CDH12: variants seen among roughly 807,000 people sequenced by gnomAD.
CDH12 encodes the protein cadherin 12, also known as cadherin-12.
A neutral mutation model predicts 74.1 loss-of-function variants in CDH12; 41 were observed. The observed-to-expected ratio is 0.55, with a 90% CI of 0.43 to 0.72. CDH12 has a LOEUF of 0.72. Ranked by LOEUF, CDH12 falls within the 30% of genes least tolerant of loss-of-function variation. The pLI, the probability that CDH12 is intolerant of heterozygous loss-of-function variation, is 0.00. For synonymous variants in CDH12, 399 were observed against 355.0 expected, an observed-to-expected ratio of 1.12 and a Z score of -1.39; for missense variants, 945 against 977.2, an observed-to-expected ratio of 0.97 and a Z score of 0.44.
At chr5:22,608,577 G>A (rs1042222828) in intron 1 of CDH12, among the ~76,000 whole-genome samples, 1 of 152,158 alleles carries the variant, frequency 6.6e-6, no homozygotes, top group Non-Finnish European at 1.5e-5. Flanking sequence ...GTTTTGAAAT[G>A]TGAGGACATG....
At chr5:21,961,387 C>A (rs1446307303) in intron 6 of CDH12, among the ~76,000 whole-genome samples, 5 of 150,488 alleles carry the variant, frequency 3.3e-5, no homozygotes, top group Non-Finnish European at 5.9e-5. Flanking sequence ...GACTCTGTCT[C>A]AAAAAAAAAT....
At chr5:22,769,573 A>T (rs1308522690) in intron 1 of CDH12, among the ~76,000 whole-genome samples, 1 of 151,908 alleles carries the variant, frequency 6.6e-6, no homozygotes, top group Non-Finnish European at 1.5e-5. Flanking sequence ...TCGCCCTGTG[A>T]TTGTGTGAGT....
At chr5:21,914,207 G>A (rs555415136) in intron 6 of CDH12, among the ~76,000 whole-genome samples, 1 of 152,248 alleles carries the variant, frequency 6.6e-6, no homozygotes, top group East Asian at 1.9e-4. Flanking sequence ...CGGAATGACT[G>A]AATCCTTTTG....
intron 6 of CDH12, among the ~76,000 whole-genome samples, chr5:21,923,201 T>C (rs1169660337): frequency 6.6e-6 from 1 of 152,088 alleles, no homozygotes; most frequent in East Asian, 1.9e-4. Flanking sequence ...TTAAGAAATT[T>C]TGAGATTAGA....
chr5:22,296,219 G>C (rs144230038), intron 3 of CDH12, among the ~76,000 whole-genome samples: 3 of 152,018 alleles, frequency 2.0e-5, no homozygotes, highest in East Asian at 1.9e-4. Flanking sequence ...GATTTTAGCA[G>C]TAGGAAAATG....
At chr5:21,944,328 C>G (rs141426969) in intron 6 of CDH12, among the ~76,000 whole-genome samples, 1 of 152,036 alleles carries the variant, frequency 6.6e-6, no homozygotes, top group Non-Finnish European at 1.5e-5. Flanking sequence ...AACTGAAAAA[C>G]CATAGTCAAT....
At chr5:21,790,730 CT>C (rs1265082541) in intron 10 of CDH12, among the ~76,000 whole-genome samples, 2 of 151,868 alleles carry the variant, frequency 1.3e-5, no homozygotes, top group African/African-American at 4.8e-5. Flanking sequence ...TGTGTATGTC[CT>C]TTTCCCCCTT....
At chr5:21,933,200 T>C (rs1375692868) in intron 6 of CDH12, among the ~76,000 whole-genome samples, 1 of 152,186 alleles carries the variant, frequency 6.6e-6, no homozygotes, top group Non-Finnish European at 1.5e-5. Context: ...TCCCAATTTA[T>C]AATTATTTAA....
At chr5:22,072,792 A>C (rs1742045825) in intron 5 of CDH12, among the ~76,000 whole-genome samples, 2 of 151,578 alleles carry the variant, frequency 1.3e-5, no homozygotes, top group African/African-American at 4.9e-5. Flanking sequence ...ATTCCCACCT[A>C]TTATTATAAC....
chr5:22,259,495 C>T (rs1051615323), intron 3 of CDH12, among the ~76,000 whole-genome samples: 1 of 151,962 alleles, frequency 6.6e-6, no homozygotes, highest in Non-Finnish European at 1.5e-5. Flanking sequence ...TGTCAGTAGC[C>T]ATCGTTCTAA....
At chr5:22,726,483 T>A (rs1359271663) in intron 1 of CDH12, among the ~76,000 whole-genome samples, 1 of 151,732 alleles carries the variant, frequency 6.6e-6, no homozygotes, top group African/African-American at 2.4e-5. Context: ...CCAAGAAGTG[T>A]GATTGCTGGA....
chr5:22,542,149 C>T (rs75479393), intron 1 of CDH12, among the ~76,000 whole-genome samples: 1 of 152,088 alleles, frequency 6.6e-6, no homozygotes, highest in Admixed American at 6.6e-5. Context: ...TTGACAACTG[C>T]AATGTAATTT....
At chr5:21,888,221 TCTC>T (rs955809500) in intron 6 of CDH12, among the ~76,000 whole-genome samples, 5 of 152,182 alleles carry the variant, frequency 3.3e-5, no homozygotes, top group African/African-American at 1.2e-4. Context: ...TACGCTTTTC[TCTC>T]CTTTTTCCCT....
intron 9 of CDH12, among the ~76,000 whole-genome samples, chr5:21,808,538 T>C (rs1375701073): frequency 1.3e-5 from 2 of 151,886 alleles, no homozygotes; most frequent in African/African-American, 4.8e-5. Context: ...TGAAACAGAC[T>C]AGATTCTTTC....
chr5:22,531,184 A>G (rs1737566804), intron 1 of CDH12, among the ~76,000 whole-genome samples: 1 of 152,178 alleles, frequency 6.6e-6, no homozygotes, highest in Non-Finnish European at 1.5e-5. Flanking sequence ...TAATTGCAGC[A>G]CAATTTAATT....
At chr5:22,396,354 T>C (rs1487104343) in intron 3 of CDH12, among the ~76,000 whole-genome samples, 2 of 152,102 alleles carry the variant, frequency 1.3e-5, no homozygotes, top group African/African-American at 4.8e-5. Flanking sequence ...CAAAGGAGAC[T>C]TTCTGCCTGA....
intron 1 of CDH12, among the ~76,000 whole-genome samples, chr5:22,814,567 T>C (rs1012417851): frequency 1.3e-5 from 2 of 152,184 alleles, no homozygotes; most frequent in African/African-American, 4.8e-5. Flanking sequence ...TTTCAATAGA[T>C]GTAAAATCAA....
intron 6 of CDH12, among the ~76,000 whole-genome samples, chr5:21,953,387 G>A (rs1755954007): frequency 6.6e-6 from 1 of 152,142 alleles, no homozygotes; most frequent in Admixed American, 6.6e-5. Context: ...CGGTTGCCTT[G>A]GGCATGCTTT....
chr5:22,338,778 G>A (rs1013739008), intron 3 of CDH12, among the ~76,000 whole-genome samples: 1 of 152,158 alleles, frequency 6.6e-6, no homozygotes, highest in Non-Finnish European at 1.5e-5. Flanking sequence ...ATGATGGAGT[G>A]TCATATAAGA....
Sources: allele counts gnomAD v4.1 joint callset (sites outside exome capture counted in the v4.1 genomes callset), GRCh38; gene constraint gnomAD v4.1.1; transcripts MANE v1.5; gene names NCBI Gene and HGNC (gene_info 2026-07-23, HGNC 2026-07-21).